The following ATP2B2 variants were observed in gnomAD, a reference collection of about 807,000 sequenced individuals.
ATP2B2 encodes the protein ATPase plasma membrane Ca2+ transporting 2, also known as plasma membrane calcium-transporting ATPase 2.
Under a neutral mutation model 120.0 loss-of-function variants are expected in ATP2B2, and 15 were observed. The ratio of observed to expected loss-of-function variants is 0.12; its 90% confidence interval spans 0.08 to 0.19. The LOEUF (loss-of-function observed/expected upper bound fraction) is 0.19, where lower values mean the gene tolerates loss of function less well. Ranked by LOEUF, ATP2B2 falls within the 10% of genes least tolerant of loss-of-function variation. The probability of loss-of-function intolerance (pLI) is 1.00; values close to 1 mark genes in which losing one functional copy is unlikely to be tolerated. For missense variants in ATP2B2, 1,045 were observed against 1,719.8 expected, an observed-to-expected ratio of 0.61 and a Z score of 6.94; for synonymous variants, 694 against 700.3, an observed-to-expected ratio of 0.99 and a Z score of 0.14.
At chr3:10,684,182 A>G (rs2125706494) in intron 1 of ATP2B2, among the ~76,000 whole-genome samples, 1 of 152,312 alleles carries the variant, frequency 6.6e-6, no homozygotes, top group African/African-American at 2.4e-5. Context: ...GGGATGGCAC[A>G]TGACCTAAGC....
chr3:10,385,603 T>C (rs2061654361), intron 7 of ATP2B2, among the ~76,000 whole-genome samples: 2 of 152,184 alleles, frequency 1.3e-5, no homozygotes, highest in South Asian at 4.1e-4. Context: ...TGGTCTGTGC[T>C]GAGGTCTGGA....
chr3:10,418,835 A>T (rs2062876567), intron 2 of ATP2B2, among the ~76,000 whole-genome samples: 1 of 152,200 alleles, frequency 6.6e-6, no homozygotes, highest in East Asian at 1.9e-4. Flanking sequence ...TTGCTCCCCC[A>T]GAGTCACCCA....
intron 1 of ATP2B2, among the ~76,000 whole-genome samples, chr3:10,672,829 C>G (rs980603232): frequency 6.6e-5 from 10 of 152,238 alleles, no homozygotes; most frequent in African/African-American, 2.4e-4. Flanking sequence ...AGGGCTTTCT[C>G]TAACAACAGA....
intron 3 of ATP2B2, among the ~76,000 whole-genome samples, chr3:10,513,981 C>T (rs528079542): frequency 7.2e-5 from 11 of 152,268 alleles, no homozygotes; most frequent in East Asian, 1.9e-4. Flanking sequence ...GGCCCTGAGA[C>T]GGGGACATGA....
rs1312154897 is a variant in ATP2B2 at position 10,324,656 on chromosome 3, A to G, written c.*4158T>C. The G allele has an allele frequency of 6.6e-6, 1 of 152,280 alleles. No homozygotes were observed. The highest frequency in any genetic ancestry group is 1.5e-5 in the Non-Finnish European group (1 of 68,078). The allele number at this position is 152,280 out of a possible 1,614,324, so 9.4% of individuals were successfully genotyped here. A position where few individuals can be genotyped will look rare whatever the true frequency, so the allele number is the denominator to read the frequency against. The stretch of plus-strand genomic sequence containing the variant: ...GCTTGTCAGAATGCACCAGGTTGGC[A>G]GCCTCCTGCAGGTAGCGCAAGAGTG... On this transcript the variant is annotated 3_prime_UTR_variant, in exon 23 of 23. Transcript: ENST00000360273.
At chr3:10,692,951 T>C (rs1382840751) in intron 1 of ATP2B2, among the ~76,000 whole-genome samples, 4 of 152,224 alleles carry the variant, frequency 2.6e-5, no homozygotes, top group Non-Finnish European at 4.4e-5. Flanking sequence ...CAGGCTCTTC[T>C]GCTTCCAGTC....
At chr3:10,337,438 C>T (rs2060148436) in intron 22 of ATP2B2, among the ~76,000 whole-genome samples, 1 of 152,148 alleles carries the variant, frequency 6.6e-6, no homozygotes, top group Admixed American at 6.5e-5. Flanking sequence ...GCTGTGACAG[C>T]ACTTGTGAGC....
rs709640 is a variant in ATP2B2, at chr3:10,340,853, T to G, written c.2918-149A>C. 398,179 of 784,494 alleles carry G rather than the reference T, an allele frequency of 0.51. 105,021 individuals are homozygous for G. The highest frequency in any genetic ancestry group is 0.67 in the Admixed American group (33,141 of 49,614). 48.6% of individuals were successfully genotyped at this position (784,494 alleles called of 1,614,324 possible). ...CTTGGACAGTGGGGGGCCAGGGCTG[T>G]GCTGTCAGCTGGTCAGAGACTAGGA... On this transcript the variant is annotated intron_variant, in intron 19 of 22. Transcript: ENST00000360273. This position sits in a 1 kb window ranked among gnomAD's most constrained non-coding sequence, Gnocchi z 5.0.
At chr3:10,384,154 A>G (rs1269521536) in intron 8 of ATP2B2, among the ~76,000 whole-genome samples, 1 of 152,188 alleles carries the variant, frequency 6.6e-6, no homozygotes, top group African/African-American at 2.4e-5. Context: ...AGGTGCTTCC[A>G]TCTTTGGGCA....
chr3:10,663,883 C>A (rs759111651), intron 1 of ATP2B2, among the ~76,000 whole-genome samples: 2 of 152,126 alleles, frequency 1.3e-5, no homozygotes, highest in Admixed American at 6.5e-5. Context: ...AAGACAGGGT[C>A]AGGTCTCCTC....
chr3:10,499,692 C>T (rs2066301866), intron 1 of ATP2B2, among the ~76,000 whole-genome samples: 1 of 152,148 alleles, frequency 6.6e-6, no homozygotes, highest in Non-Finnish European at 1.5e-5. Flanking sequence ...GGCCCCTTCA[C>T]ACCTTGAAGC....
At chr3:10,381,751 G>A (rs2061535664) in intron 8 of ATP2B2, among the ~76,000 whole-genome samples, 1 of 152,144 alleles carries the variant, frequency 6.6e-6, no homozygotes, top group African/African-American at 2.4e-5. Flanking sequence ...GCCCTCAGGT[G>A]GGGTCTCAGA....
intron 2 of ATP2B2, among the ~76,000 whole-genome samples, chr3:10,540,778 T>G: frequency 6.6e-6 from 1 of 150,858 alleles, no homozygotes; most frequent in East Asian, 2.0e-4. Context: ...TAATGATGAG[T>G]TAATGGGTGC....
rs559079331 is a variant in ATP2B2, at chr3:10,602,797, C to T, written c.-415+17120G>A. Among the ~76,000 whole-genome samples the T allele has an allele frequency of 2.6e-5, 4 of 152,294 alleles. No homozygotes were observed. The South Asian group carries it at 8.3e-4, about 32-fold the overall frequency. ...ACTGACATGGAGGCCAAACTCCACC[C>T]TTCACAGGTGGATAAAGCATTTGCC... On this transcript the variant is annotated intron_variant, in intron 2 of 21. Coordinates refer to the ATP2B2 transcript ENST00000646379.
chr3:10,413,489 G>A (rs2062682805), intron 2 of ATP2B2, among the ~76,000 whole-genome samples: 1 of 152,238 alleles, frequency 6.6e-6, no homozygotes, highest in Non-Finnish European at 1.5e-5. Flanking sequence ...CACAGATGGG[G>A]AGACAGGCTG....
At chr3:10,574,418 G>A (rs1281103485) in intron 2 of ATP2B2, among the ~76,000 whole-genome samples, 1 of 152,150 alleles carries the variant, frequency 6.6e-6, no homozygotes, top group African/African-American at 2.4e-5. Flanking sequence ...CTGGTCCTCT[G>A]CCTGGAGGAT....
chr3:10,657,647 CCT>C (rs1159508292), intron 1 of ATP2B2, among the ~76,000 whole-genome samples: 1 of 152,264 alleles, frequency 6.6e-6, no homozygotes, highest in Non-Finnish European at 1.5e-5. Context: ...GGCCTGCCTG[CCT>C]CTGTAGACTC....
At chr3:10,665,425 C>G (rs35416409) in intron 1 of ATP2B2, among the ~76,000 whole-genome samples, 64,396 of 152,022 alleles carry the variant, frequency 0.42, 16,388 homozygotes, top group Non-Finnish European at 0.57. Flanking sequence ...TAACCTCCCA[C>G]AGCTCTGTGC....
chr3:10,609,332 A>G (rs9841252), intron 2 of ATP2B2, among the ~76,000 whole-genome samples: 24,398 of 152,218 alleles, frequency 0.16, 2,100 homozygotes, highest in East Asian at 0.33. Flanking sequence ...AGAGACACAG[A>G]GAGCCGCTGC....
Sources: gnomAD v4.1 joint callset for allele counts (sites outside exome capture counted in the v4.1 genomes callset) on GRCh38, gnomAD v4.1.1 for gene constraint, Gnocchi (gnomAD v3.1) non-coding constraint, MANE v1.5 for transcripts, NCBI Gene and HGNC (gene_info 2026-07-23, HGNC 2026-07-21) for gene names.